CACNA2D3: variants seen among roughly 807,000 people sequenced by gnomAD.
CACNA2D3 encodes calcium voltage-gated channel auxiliary subunit alpha2delta 3, also known as voltage-dependent calcium channel subunit alpha-2/delta-3.
A neutral mutation model predicts 160.6 loss-of-function variants in CACNA2D3; 60 were observed. The observed-to-expected ratio is 0.37, with a 90% confidence interval of 0.30 to 0.46. The LOEUF is 0.46. Ranked by LOEUF, CACNA2D3 falls within the 20% of genes least tolerant of loss-of-function variation. The pLI, the probability that CACNA2D3 is intolerant of heterozygous loss-of-function variation, is 1.00. For synonymous variants in CACNA2D3, 558 were observed against 492.9 expected (o/e 1.13, Z -1.75); for missense variants, 1,205 against 1,365.0 (o/e 0.88, Z 1.85).
chr3:54,741,741 C>A (rs1215561751), intron 11 of CACNA2D3, among the ~76,000 whole-genome samples: 2 of 152,174 alleles, frequency 1.3e-5, no homozygotes, highest in African/African-American at 4.8e-5. Flanking sequence ...TACACTAAAG[C>A]CACACTGCCT....
intron 4 of CACNA2D3, among the ~76,000 whole-genome samples, chr3:54,423,371 G>A (rs756607656): frequency 2.0e-5 from 3 of 152,136 alleles, no homozygotes; most frequent in Non-Finnish European, 2.9e-5. Context: ...TTGCAACCTG[G>A]CATTTTTTAA....
chr3:55,057,311 A>G (rs1704387991), intron 35 of CACNA2D3, among the ~76,000 whole-genome samples: 1 of 152,222 alleles, frequency 6.6e-6, no homozygotes, highest in Admixed American at 6.5e-5. Flanking sequence ...AACAATCTTA[A>G]TCATTCCACA....
chr3:54,412,620 T>TTTTTTTTTTTTTA (rs1699687962), intron 4 of CACNA2D3, among the ~76,000 whole-genome samples: 2 of 150,114 alleles, frequency 1.3e-5, no homozygotes, highest in African/African-American at 4.9e-5. Flanking sequence ...CTTTTTTTTT[T>TTTTTTTTTTTTTA]TAGTCTGACA....
At chr3:54,768,101 C>T (rs541570709) in intron 13 of CACNA2D3, among the ~76,000 whole-genome samples, 9 of 152,126 alleles carry the variant, frequency 5.9e-5, no homozygotes, top group East Asian at 1.9e-4. Context: ...GGGGAAAGTT[C>T]GATGATGAGC....
rs1479150259 is a variant in CACNA2D3, at chr3:54,549,363, G to A, written c.545-13437G>A. On this transcript the variant is annotated intron_variant, in intron 5 of 37. Coordinates refer to ENST00000474759, the MANE Select transcript of CACNA2D3 (RefSeq NM_018398.3). ...CTGGAGGCTGAGGCAGGAGAATGGC[G>A]TGAACCCAGGAGGCGGAACTTGCAG... Among the ~76,000 whole-genome samples the A allele has an allele frequency of 3.9e-5, 6 of 152,306 alleles. No individual in the cohort carries two copies. In the East Asian group the frequency reaches 5.8e-4, roughly 15 times the overall value.
intron 4 of CACNA2D3, among the ~76,000 whole-genome samples, chr3:54,499,496 T>C (rs1264670400): frequency 6.6e-6 from 1 of 152,170 alleles, no homozygotes; most frequent in Non-Finnish European, 1.5e-5. Context: ...AAGTAGAAGC[T>C]TAGATGATTG....
chr3:54,188,665 C>T (rs560157124), intron 2 of CACNA2D3, among the ~76,000 whole-genome samples: 1 of 152,298 alleles, frequency 6.6e-6, no homozygotes, highest in South Asian at 2.1e-4. Flanking sequence ...TGCTTCACGG[C>T]TGTAGTTTAC....
At chr3:54,195,076 C>A (rs977838727) in intron 2 of CACNA2D3, among the ~76,000 whole-genome samples, 1 of 152,202 alleles carries the variant, frequency 6.6e-6, no homozygotes, top group African/African-American at 2.4e-5. Context: ...TACAGCCAGC[C>A]CTTGAACCTC....
intron 4 of CACNA2D3, among the ~76,000 whole-genome samples, chr3:54,434,445 C>G (rs1575452491): frequency 1.3e-5 from 2 of 152,238 alleles, no homozygotes; most frequent in African/African-American, 2.4e-5. Context: ...CCCAGTCCCC[C>G]ACCAGTGTCA....
At chr3:54,517,201 C>T (rs1701565469) in intron 5 of CACNA2D3, among the ~76,000 whole-genome samples, 1 of 152,202 alleles carries the variant, frequency 6.6e-6, no homozygotes, top group Non-Finnish European at 1.5e-5. Context: ...GTCCTAGCTG[C>T]GTTGCTTAAG....
intron 29 of CACNA2D3, among the ~76,000 whole-genome samples, chr3:54,980,068 ACT>A (rs1476732868): frequency 6.6e-6 from 1 of 152,162 alleles, no homozygotes; most frequent in Non-Finnish European, 1.5e-5. Flanking sequence ...AAAGCCAAAC[ACT>A]GTTTCACATT....
rs375850563 is a variant in CACNA2D3 at position 54,885,274 on chromosome 3, C to T, written c.1913-7C>T. ...TTATTCATGAACCCCTTCTCCTTGACCCCCAGGCCTGCATGACTTAGAACA... is the reference window on the plus strand; with the variant it reads ...TTATTCATGAACCCCTTCTCCTTGATCCCCAGGCCTGCATGACTTAGAACA... On this transcript the variant is annotated splice_polypyrimidine_tract_variant and splice_region_variant and intron_variant, in intron 21 of 37. Coordinates refer to ENST00000474759, the MANE Select transcript of CACNA2D3 (RefSeq NM_018398.3). 1.9e-6 allele frequency: 3 copies of T among 1,613,594 alleles called. No individual in the cohort carries two copies. The highest frequency in any genetic ancestry group is 2.5e-6 in the Non-Finnish European group (3 of 1,179,594).
chr3:54,503,784 G>A, intron 5 of CACNA2D3, 130 bp downstream of exon 5: 1 of 744,736 alleles, frequency 1.3e-6, no homozygotes, highest in Non-Finnish European at 2.2e-6. Context: ...TAAGCTGAGT[G>A]TGTCAGGTAT....
rs539940948 is a variant in CACNA2D3, at chr3:54,802,210, G to A, written c.1381-14643G>A. 3.3e-4 allele frequency among the ~76,000 whole-genome samples: 50 copies of A among 152,260 alleles called. No individual in the cohort carries two copies. The South Asian group carries it at 6.2e-3, about 19-fold the overall frequency. ...CACTCAATTAGGGATTATGGAGTGAGCAACAGGGTGCCCACATTTAAAGAG... is the reference window on the plus strand; with the variant it reads ...CACTCAATTAGGGATTATGGAGTGAACAACAGGGTGCCCACATTTAAAGAG... On this transcript the variant is annotated intron_variant, in intron 13 of 37. Transcript: ENST00000474759.
At chr3:54,465,084 A>G (rs1700596190) in intron 4 of CACNA2D3, among the ~76,000 whole-genome samples, 1 of 151,234 alleles carries the variant, frequency 6.6e-6, no homozygotes, top group African/African-American at 2.4e-5. Context: ...GGGTTATTTC[A>G]AAAGATCTGT....
At chr3:55,062,154 C>G (rs1368612976) in intron 35 of CACNA2D3, among the ~76,000 whole-genome samples, 1 of 152,120 alleles carries the variant, frequency 6.6e-6, no homozygotes, top group Non-Finnish European at 1.5e-5. Flanking sequence ...GTGTCTTGGT[C>G]TGTTGCCCAG....
At chr3:54,702,235 A>T (rs539566241) in intron 11 of CACNA2D3, among the ~76,000 whole-genome samples, 1 of 152,202 alleles carries the variant, frequency 6.6e-6, no homozygotes, top group Admixed American at 6.5e-5. Context: ...CTCAAAAGCA[A>T]TTGCAACAAA....
intron 4 of CACNA2D3, among the ~76,000 whole-genome samples, chr3:54,488,787 A>G (rs1315316761): frequency 6.6e-6 from 1 of 152,186 alleles, no homozygotes; most frequent in African/African-American, 2.4e-5. Context: ...CTCACACTGT[A>G]GAGCAGAGGC....
chr3:54,388,304 C>CT (rs554440551), intron 4 of CACNA2D3, among the ~76,000 whole-genome samples: 57 of 152,304 alleles, frequency 3.7e-4, no homozygotes, highest in African/African-American at 1.3e-3. Context: ...CCCAAGTACT[C>CT]TCTTGCTTTC....
Sources: allele counts gnomAD v4.1 joint callset (sites outside exome capture counted in the v4.1 genomes callset), GRCh38; gene constraint gnomAD v4.1.1; transcripts MANE v1.5; gene names NCBI Gene and HGNC (gene_info 2026-07-23, HGNC 2026-07-21).